Variants in SGCZ observed in about 807,000 individuals in gnomAD.
SGCZ encodes sarcoglycan zeta, also known as zeta-sarcoglycan.
SGCZ carries 40 observed loss-of-function variants against 41.3 expected under a neutral mutation model. The ratio of observed to expected loss-of-function variants is 0.97; its 90% CI spans 0.75 to 1.26. The LOEUF (loss-of-function observed/expected upper bound fraction) is 1.26. Ranked by LOEUF, SGCZ falls within the 50% of genes most tolerant of loss-of-function variation. SGCZ has a pLI of 0.00. For synonymous variants in SGCZ, 206 were observed against 137.5 expected (o/e 1.50, Z -3.49); for missense variants, 552 against 369.8 (o/e 1.49, Z -4.04).
intron 1 of SGCZ, among the ~76,000 whole-genome samples, chr8:14,693,102 G>A (rs948638215): frequency 2.6e-5 from 4 of 152,090 alleles, no homozygotes; most frequent in Admixed American, 2.6e-4. Flanking sequence ...AAAAGACACA[G>A]GTTTGTGGTG....
At chr8:15,221,676 A>G (rs951829217) in intron 1 of SGCZ, among the ~76,000 whole-genome samples, 4 of 152,166 alleles carry the variant, frequency 2.6e-5, no homozygotes, top group African/African-American at 9.7e-5. Flanking sequence ...AGATGCTGAA[A>G]ACCCATCAAT....
intron 2 of SGCZ, among the ~76,000 whole-genome samples, chr8:14,541,850 T>G (rs966676587): frequency 4.3e-4 from 65 of 152,136 alleles, no homozygotes; most frequent in African/African-American, 1.5e-3. Flanking sequence ...GGTATCTCAT[T>G]GTGGTTTTGA....
At chr8:14,558,811 A>T (rs906614434) in intron 1 of SGCZ, among the ~76,000 whole-genome samples, 2 of 152,046 alleles carry the variant, frequency 1.3e-5, no homozygotes, top group African/African-American at 2.4e-5. Flanking sequence ...GTTTCATACC[A>T]GGAATGCAGT....
At chr8:15,044,349 G>A (rs562743097) in intron 1 of SGCZ, among the ~76,000 whole-genome samples, 3 of 152,088 alleles carry the variant, frequency 2.0e-5, no homozygotes, top group South Asian at 4.1e-4. Context: ...TTACATTTGG[G>A]TTCATTAGCT....
intron 2 of SGCZ, among the ~76,000 whole-genome samples, chr8:14,408,429 A>G (rs1379952986): frequency 6.6e-6 from 1 of 152,030 alleles, no homozygotes; most frequent in East Asian, 1.9e-4. Context: ...TATCCAATAA[A>G]TCATGAAATA....
intron 1 of SGCZ, among the ~76,000 whole-genome samples, chr8:14,870,049 G>C (rs951082997): frequency 6.6e-6 from 1 of 152,040 alleles, no homozygotes; most frequent in Non-Finnish European, 1.5e-5. Context: ...AGCTACCATT[G>C]ACTTTCTTCA....
intron 1 of SGCZ, among the ~76,000 whole-genome samples, chr8:14,775,858 T>C (rs1002813543): frequency 6.6e-6 from 1 of 152,122 alleles, no homozygotes; most frequent in Non-Finnish European, 1.5e-5. Context: ...ATCTTTAATG[T>C]GACACAGAAG....
At chr8:14,223,548 A>ATATTT (rs1554481809) in intron 4 of SGCZ, among the ~76,000 whole-genome samples, 4 of 152,166 alleles carry the variant, frequency 2.6e-5, no homozygotes, top group Non-Finnish European at 2.9e-5. Flanking sequence ...ATATATATAT[A>ATATTT]TTTTAACAGA....
At chr8:15,219,653 C>T (rs1351673003) in intron 1 of SGCZ, among the ~76,000 whole-genome samples, 3 of 151,962 alleles carry the variant, frequency 2.0e-5, no homozygotes, top group Non-Finnish European at 2.9e-5. Context: ...AGATATTTAC[C>T]GGAATGCTAC....
chr8:14,529,576 G>A (rs1335326845), intron 2 of SGCZ, among the ~76,000 whole-genome samples: 1 of 152,096 alleles, frequency 6.6e-6, no homozygotes, highest in Non-Finnish European at 1.5e-5. Context: ...CACCTACATA[G>A]GAAAGCATTT....
chr8:14,872,669 C>A (rs1233257118), intron 1 of SGCZ, among the ~76,000 whole-genome samples: 1 of 151,996 alleles, frequency 6.6e-6, no homozygotes, highest in South Asian at 2.1e-4. Flanking sequence ...CACCATAGAT[C>A]CTGCTGGGTT....
chr8:14,605,820 T>C (rs773428917), intron 1 of SGCZ, among the ~76,000 whole-genome samples: 1 of 152,164 alleles, frequency 6.6e-6, no homozygotes, highest in Non-Finnish European at 1.5e-5. Flanking sequence ...TGGAATCTTA[T>C]GTAGCAAATA....
At chr8:14,093,037 A>T (rs1357888093) in intron 7 of SGCZ, among the ~76,000 whole-genome samples, 1 of 152,048 alleles carries the variant, frequency 6.6e-6, no homozygotes, top group Non-Finnish European at 1.5e-5. Flanking sequence ...TGCATGGAGA[A>T]AGTTTCAGAA....
intron 1 of SGCZ, among the ~76,000 whole-genome samples, chr8:14,975,536 G>C (rs1430228923): frequency 6.6e-6 from 1 of 151,948 alleles, no homozygotes; most frequent in Non-Finnish European, 1.5e-5. Flanking sequence ...CACTGTTTTT[G>C]ACCCAGTGAG....
intron 1 of SGCZ, among the ~76,000 whole-genome samples, chr8:14,962,268 A>G (rs75247467): frequency 0.025 from 3,747 of 152,172 alleles, 94 homozygotes; most frequent in South Asian, 0.12. Context: ...ATATATTTTT[A>G]TTCCTTAATA....
chr8:15,114,319 C>T (rs1241794629), intron 1 of SGCZ, among the ~76,000 whole-genome samples: 1 of 152,118 alleles, frequency 6.6e-6, no homozygotes, highest in Non-Finnish European at 1.5e-5. Context: ...CATTTTCCTT[C>T]CACAATCTCT....
intron 1 of SGCZ, among the ~76,000 whole-genome samples, chr8:15,076,707 C>A (rs187256928): frequency 6.6e-6 from 1 of 151,840 alleles, no homozygotes; most frequent in African/African-American, 2.4e-5. Context: ...TTTTCTGTAT[C>A]CTGAAAGTAC....
intron 4 of SGCZ, among the ~76,000 whole-genome samples, chr8:14,215,976 C>G (rs1756715543): frequency 6.6e-6 from 1 of 152,228 alleles, no homozygotes; most frequent in South Asian, 2.1e-4. Flanking sequence ...CTCACAGACC[C>G]TGAGGAGGGT....
At chr8:14,816,666 T>A (rs1165836332) in intron 1 of SGCZ, among the ~76,000 whole-genome samples, 2 of 114,462 alleles carry the variant, frequency 1.7e-5, no homozygotes, top group Admixed American at 8.9e-5. Flanking sequence ...AAATTAACCA[T>A]GTTAAAATCA....
Sources: gnomAD v4.1 joint callset for allele counts (sites outside exome capture counted in the v4.1 genomes callset) on GRCh38, gnomAD v4.1.1 for gene constraint, MANE v1.5 for transcripts, NCBI Gene and HGNC (gene_info 2026-07-23, HGNC 2026-07-21) for gene names.